Variants in ZNF805 observed in about 807,000 individuals in gnomAD.
ZNF805 encodes the protein CTC-444N24.8.
In ZNF805, 7 loss-of-function variants were observed where a neutral mutation model predicts 13.6. The observed-to-expected ratio is 0.51, with a 90% confidence interval of 0.29 to 0.97. The LOEUF (loss-of-function observed/expected upper bound fraction) is 0.97, where lower values mean the gene tolerates loss of function less well. Ranked by LOEUF, ZNF805 falls within the 50% of genes least tolerant of loss-of-function variation. The pLI, the probability that ZNF805 is intolerant of heterozygous loss-of-function variation, is 0.08. For synonymous variants in ZNF805, 293 were observed against 279.8 expected, an observed-to-expected ratio of 1.05 and a Z score of -0.47; for missense variants, 604 against 771.0, an observed-to-expected ratio of 0.78 and a Z score of 2.57.
rs927974705 is a variant in ZNF805, at chr19:57,260,821, G to T, written c.*6118G>T. 1.1e-4 allele frequency among the ~76,000 whole-genome samples: 16 copies of T among 152,172 alleles called. No individual in the cohort carries two copies. Among genetic ancestry groups the T allele is most frequent in the African/African-American group, 3.9e-4 (16 of 41,434 alleles). On this transcript the variant is annotated 3_prime_UTR_variant, in exon 4 of 4. Coordinates refer to ENST00000414468, the MANE Select transcript of ZNF805 (RefSeq NM_001023563.4). The stretch of plus-strand genomic sequence containing the variant: ...TTGCACTCACTGAGCCTATATGCAT[G>T]TATCATGTGGCCATGACCTTGGCCG...
intron 2 of ZNF805, among the ~76,000 whole-genome samples, chr19:57,245,358 CCCCTTT>C (rs1186036596): frequency 6.6e-6 from 1 of 152,164 alleles, no homozygotes. Context: ...CTTGGGGAGG[CCCCTTT>C]CTCACCATAG....
At position 57,259,650 on chromosome 19, in the gene ZNF805, G is replaced by A. The variant is rs1283697834; in HGVS notation, c.*4947G>A. On this transcript the variant is annotated 3_prime_UTR_variant, in exon 4 of 4. Transcript: ENST00000414468. ...GCCTCCCGAGTAGCTGGGACTACAG[G>A]TGCCCGCCACCATGCCCGGCTAATT... Among the ~76,000 whole-genome samples, 1 of 152,086 alleles carries A rather than the reference G, an allele frequency of 6.6e-6. No homozygotes were observed. The highest frequency in any genetic ancestry group is 2.4e-5 in the African/African-American group (1 of 41,408).
At position 57,253,131 on chromosome 19, in the gene ZNF805, A is replaced by G; in HGVS notation, c.312A>G (p.Glu104=). 1.3e-6 allele frequency: 2 copies of G among 1,523,654 alleles called. No individual in the cohort carries two copies. The highest frequency in any genetic ancestry group is 1.8e-6 in the Non-Finnish European group (2 of 1,139,356). 94.4% of individuals were successfully genotyped at this position (1,523,654 alleles called of 1,614,324 possible). A position where few individuals can be genotyped will look rare whatever the true frequency, so the allele number is the denominator to read the frequency against. Residue 104 remains glutamate, a synonymous_variant, in exon 4 of 4, where the codon GAA becomes GAG. Coordinates refer to ENST00000414468, the MANE Select transcript of ZNF805 (RefSeq NM_001023563.4). The surrounding 1 kb of genome is among the most constrained non-coding windows in gnomAD (Gnocchi z 4.4). The part of the protein sequence containing the change: ...EPTTCELALS[E]GISFWGQLTQ... ...CCACCTGTGAGCTAGCCTTGTCTGA[A>G]GGAATCTCTTTTTGGGGACAACTAA...
At chr19:57,246,949 C>G (rs2087622914) in intron 2 of ZNF805, among the ~76,000 whole-genome samples, 1 of 152,078 alleles carries the variant, frequency 6.6e-6, no homozygotes, top group Non-Finnish European at 1.5e-5. Flanking sequence ...TCCAGTTTAA[C>G]TTACTCAGCA....
chr19:57,249,230 C>T (rs1369263304), intron 3 of ZNF805, among the ~76,000 whole-genome samples: 2 of 152,022 alleles, frequency 1.3e-5, no homozygotes, highest in African/African-American at 4.8e-5. Context: ...TACCCACTTC[C>T]AGACCTCCCC....
intron 3 of ZNF805, 110 bp from the exon 4 acceptor site, chr19:57,252,958 TATAAC>T: frequency 1.1e-6 from 1 of 952,246 alleles, no homozygotes; most frequent in Non-Finnish European, 1.4e-6. Flanking sequence ...GATGGCAAAA[TATAAC>T]AGACATAAAG....
Position 57,243,914 on chromosome 19 carries a change from A to G in ZNF805, c.31-9A>G, listed in dbSNP as rs553904606. On this transcript the variant is annotated splice_polypyrimidine_tract_variant and intron_variant, in intron 1 of 3. Coordinates refer to ENST00000414468, the MANE Select transcript of ZNF805 (RefSeq NM_001023563.4). ...CAGCAAACTCTACTACCTCTATTTG[A>G]CATTTCAGGTGTCTGTGACCTTTGA... The G allele has an allele frequency of 6.2e-6, 10 of 1,614,110 alleles. No homozygotes were observed. The East Asian group carries it at 2.2e-4, about 36-fold the overall frequency.
Position 57,254,460 on chromosome 19 carries a change from C to T in ZNF805, c.1641C>T (p.Ala547=). 3 of 1,614,242 alleles carry T rather than the reference C, an allele frequency of 1.9e-6. No homozygotes were observed. The highest frequency in any genetic ancestry group is 2.5e-6 in the Non-Finnish European group (3 of 1,180,046). Residue 547 remains alanine (A), a synonymous_variant, in exon 4 of 4, where the codon GCC becomes GCT. Transcript: ENST00000414468. ...ATGAGTGCAGTGAATGTGGAAAGGCCTTCAGTCGCAGCTCGTCCCTCACTC... is the reference window on the plus strand; with the variant it reads ...ATGAGTGCAGTGAATGTGGAAAGGCTTTCAGTCGCAGCTCGTCCCTCACTC... ...KPYECSECGK[A]FSRSSSLTQH...
chr19:57,246,999 G>A (rs1269981092), intron 2 of ZNF805, among the ~76,000 whole-genome samples: 3 of 149,528 alleles, frequency 2.0e-5, no homozygotes, highest in African/African-American at 7.4e-5. Context: ...ATCACTGAAT[G>A]TTTTTGTGTA....
At chr19:57,252,851 C>T (rs948194411) in intron 3 of ZNF805, among the ~76,000 whole-genome samples, 2 of 152,182 alleles carry the variant, frequency 1.3e-5, no homozygotes, top group Non-Finnish European at 2.9e-5. Context: ...CCACTCTAGG[C>T]CCTGTCCCCT....
chr19:57,254,528 C>G lies in ZNF805; in HGVS notation c.1709C>G (p.Thr570Arg), dbSNP rs1162473748. Residue 570 changes from threonine (T) to arginine (R), a missense_variant, in exon 4 of 4, where the codon ACA becomes AGA. Physicochemically the swap from Thr to Arg is moderately conservative, Grantham distance 71. Around this residue, in one of 3 missense-constraint regions of ZNF805, gnomAD observed 228 missense variants for 352.8 expected, o/e 0.65. Transcript: ENST00000414468. ...ACTGGGAGAAATCCTATCAGTGTAA[C>G]AGATGTGGGAAGACCTTTTACAAGT... ...MHTGRNPISV[T>R]DVGRPFTSGQ... The G allele has an allele frequency of 6.2e-7, 1 of 1,614,066 alleles. No homozygotes were observed. The highest frequency in any genetic ancestry group is 1.3e-5 in the African/African-American group (1 of 74,926).
intron 2 of ZNF805, among the ~76,000 whole-genome samples, chr19:57,246,301 G>A (rs973395861): frequency 2.0e-5 from 3 of 152,296 alleles, no homozygotes; most frequent in Admixed American, 6.5e-5. Context: ...AGCCTCCTGA[G>A]TAGCTAGGAT....
chr19:57,251,038 ACTGT>A (rs1382338827), intron 3 of ZNF805, among the ~76,000 whole-genome samples: 1 of 152,200 alleles, frequency 6.6e-6, no homozygotes, highest in Non-Finnish European at 1.5e-5. Context: ...ATATTCATTC[ACTGT>A]CTGAGCACTT....
At chr19:57,246,831 T>C (rs1236486940) in intron 2 of ZNF805, among the ~76,000 whole-genome samples, 1 of 151,590 alleles carries the variant, frequency 6.6e-6, no homozygotes, top group Admixed American at 6.6e-5. Flanking sequence ...AGAGCACTGA[T>C]TGGGTGTCTC....
intron 1 of ZNF805, 143 bp from the exon 2 acceptor site, chr19:57,243,780 C>A: frequency 8.7e-7 from 1 of 1,147,610 alleles, no homozygotes; most frequent in Non-Finnish European, 1.3e-6. Flanking sequence ...AAAGCAATGT[C>A]TGCCTTCCTC....
At chr19:57,242,669 T>C (rs1250282230) in intron 1 of ZNF805, among the ~76,000 whole-genome samples, 2 of 152,196 alleles carry the variant, frequency 1.3e-5, no homozygotes, top group Admixed American at 1.3e-4. Flanking sequence ...GGGGAGAGGA[T>C]GAGCTGGTCC....
Position 57,254,103 on chromosome 19 carries a change from G to A in ZNF805, c.1284G>A (p.Val428=). 1.9e-6 allele frequency: 3 copies of A among 1,612,974 alleles called. No individual in the cohort carries two copies. The highest frequency in any genetic ancestry group is 2.5e-6 in the Non-Finnish European group (3 of 1,179,776). The change falls in exon 4 of 4, where the codon GTG becomes GTA. Residue 428 remains valine (V), a synonymous_variant. Coordinates refer to ENST00000414468, the MANE Select transcript of ZNF805 (RefSeq NM_001023563.4). ...QRIHTGEKPY[V]CSECGKAFTH... is the part of the protein sequence containing the mutation. ...TTCACACTGGGGAGAAGCCATATGT[G>A]TGTAGTGAATGCGGAAAGGCCTTCA... is the stretch of plus-strand genomic sequence containing the variant.
intron 3 of ZNF805, among the ~76,000 whole-genome samples, chr19:57,249,646 A>G (rs2087639947): frequency 6.6e-6 from 1 of 151,836 alleles, no homozygotes; most frequent in East Asian, 1.9e-4. Context: ...CTTTCCACTT[A>G]TATTCTGCCT....
chr19:57,243,946 G>C lies in ZNF805; in HGVS notation c.54G>C (p.Val18=), dbSNP rs758236545. The change falls in exon 2 of 4, where the codon GTG becomes GTC. Residue 18 remains valine (V), a synonymous_variant. Transcript: ENST00000414468. ...PAQVSVTFDD[V]AVTFTQEEWG... ...AGGTGTCTGTGACCTTTGATGATGTGGCTGTGACTTTCACCCAGGAGGAGT... is the reference window on the plus strand; with the variant it reads ...AGGTGTCTGTGACCTTTGATGATGTCGCTGTGACTTTCACCCAGGAGGAGT... The C allele has an allele frequency of 1.1e-5, 17 of 1,614,098 alleles. No individual in the cohort carries two copies. Among genetic ancestry groups the C allele is most frequent in the Non-Finnish European group, 1.4e-5 (17 of 1,180,032 alleles).
Sources: allele counts gnomAD v4.1 joint callset (sites outside exome capture counted in the v4.1 genomes callset), GRCh38; gene constraint gnomAD v4.1.1; regional missense constraint gnomAD v4.1.1; non-coding constraint Gnocchi (gnomAD v3.1); transcripts MANE v1.5; gene names NCBI Gene and HGNC (gene_info 2026-07-23, HGNC 2026-07-21).